The following RERE variants were observed in gnomAD, a reference collection of about 807,000 sequenced individuals.
RERE encodes arginine-glutamic acid dipeptide repeats protein.
Under a neutral mutation model 146.1 loss-of-function variants are expected in RERE, and 40 were observed. The observed-to-expected ratio is 0.27, with a 90% CI of 0.21 to 0.36. The LOEUF (loss-of-function observed/expected upper bound fraction) is 0.36. Ranked by LOEUF, RERE falls within the 10% of genes least tolerant of loss-of-function variation. RERE has a pLI of 1.00. For synonymous variants in RERE, 1,003 were observed against 866.0 expected, an observed-to-expected ratio of 1.16 and a Z score of -2.78; for missense variants, 1,933 against 2,138.7, an observed-to-expected ratio of 0.90 and a Z score of 1.90.
rs777961446 is a variant in RERE at position 8,661,044 on chromosome 1, T to A, written c.-144-4603A>T. Among the ~76,000 whole-genome samples the A allele has an allele frequency of 7.3e-5, 11 of 150,780 alleles. No individual in the cohort carries two copies. The Admixed American group carries it at 7.3e-4, about 10-fold the overall frequency. On this transcript the variant is annotated intron_variant, in intron 1 of 22. Coordinates refer to ENST00000400908, the MANE Select transcript of RERE (RefSeq NM_001042681.2). Reference sequence around the variant, plus strand: ...GAGAGACCACCAACAAAAGGCACCATACCTAATGAGAAGATCTTACATGGG... The same window carrying A: ...GAGAGACCACCAACAAAAGGCACCAAACCTAATGAGAAGATCTTACATGGG...
intron 8 of RERE, among the ~76,000 whole-genome samples, chr1:8,497,732 T>C (rs1333783845): frequency 6.6e-6 from 1 of 152,182 alleles, no homozygotes; most frequent in Non-Finnish European, 1.5e-5. Context: ...GATTTCACAA[T>C]AGACTGCTTA....
chr1:8,671,037 TG>T (rs1242166519), intron 1 of RERE, among the ~76,000 whole-genome samples: 2 of 152,218 alleles, frequency 1.3e-5, no homozygotes, highest in African/African-American at 2.4e-5. Context: ...AGTCATTTAC[TG>T]ACATGCAAAG....
At chr1:8,692,832 C>T (rs1449492964) in intron 1 of RERE, among the ~76,000 whole-genome samples, 2 of 152,134 alleles carry the variant, frequency 1.3e-5, no homozygotes, top group Admixed American at 6.5e-5. Context: ...TAACCTATCA[C>T]TCTACCAGAA....
At chr1:8,582,668 C>T (rs1444275814) in intron 4 of RERE, among the ~76,000 whole-genome samples, 2 of 152,152 alleles carry the variant, frequency 1.3e-5, no homozygotes, top group Admixed American at 1.3e-4. Flanking sequence ...TTGCAGTGAG[C>T]TGAGACTGTG....
intron 12 of RERE, among the ~76,000 whole-genome samples, chr1:8,404,310 G>C (rs749454121): frequency 1.3e-5 from 2 of 152,008 alleles, no homozygotes; most frequent in Non-Finnish European, 2.9e-5. Context: ...CCAGGTACTC[G>C]GAGAGGCTGA....
At chr1:8,359,706 C>T (rs11581418) in intron 19 of RERE, 58 bp downstream of exon 19, 233,511 of 1,564,550 alleles carry the variant, frequency 0.15, 19,832 homozygotes, top group Middle Eastern at 0.3. Context: ...CCCAGCGTGG[C>T]TCCCAGGCGC....
At position 8,510,011 on chromosome 1, in the gene RERE, G is replaced by A. The variant is rs1202117928; in HGVS notation, c.831-1336C>T. The stretch of plus-strand genomic sequence containing the variant: ...CATGAAGAATCTTGCTTGGGCAAAG[G>A]TGGTGGTAAATGTGACAAAGGAAGA... On this transcript the variant is annotated intron_variant, in intron 7 of 22. Transcript: ENST00000400908. Among the ~76,000 whole-genome samples, 5 of 152,144 alleles carry A rather than the reference G, an allele frequency of 3.3e-5. No individual in the cohort carries two copies. In the East Asian group the frequency reaches 9.6e-4, roughly 29 times the overall value.
intron 1 of RERE, among the ~76,000 whole-genome samples, chr1:8,699,025 T>C (rs1160600505): frequency 1.3e-5 from 2 of 152,238 alleles, no homozygotes; most frequent in Non-Finnish European, 2.9e-5. Context: ...TTTGTAAGTT[T>C]CACGAATCAT....
intron 11 of RERE, among the ~76,000 whole-genome samples, chr1:8,436,180 G>A (rs892007395): frequency 7.9e-5 from 12 of 152,156 alleles, no homozygotes; most frequent in Admixed American, 6.5e-5. Context: ...TTAGCCAGGC[G>A]TGGTGGCGTG....
At chr1:8,598,595 A>G (rs1646583663) in intron 4 of RERE, among the ~76,000 whole-genome samples, 1 of 152,188 alleles carries the variant, frequency 6.6e-6, no homozygotes, top group Non-Finnish European at 1.5e-5. Flanking sequence ...CACAGAAACC[A>G]CATCCAATGC....
chr1:8,391,866 A>G (rs1407791299), intron 12 of RERE, among the ~76,000 whole-genome samples: 1 of 152,064 alleles, frequency 6.6e-6, no homozygotes, highest in Non-Finnish European at 1.5e-5. Flanking sequence ...TCTCTACTAA[A>G]TAATATAAAA....
intron 12 of RERE, among the ~76,000 whole-genome samples, chr1:8,369,934 A>T (rs963945792): frequency 6.6e-6 from 1 of 151,626 alleles, no homozygotes; most frequent in Admixed American, 6.6e-5. Flanking sequence ...GGACTACAGG[A>T]GCCCGCCACC....
intron 11 of RERE, among the ~76,000 whole-genome samples, chr1:8,439,677 T>C (rs1270388212): frequency 6.6e-6 from 1 of 152,214 alleles, no homozygotes; most frequent in Non-Finnish European, 1.5e-5. Context: ...TCCAGGTGGA[T>C]TCCCTGATAC....
chr1:8,762,960 A>G (rs1160273419), intron 1 of RERE, among the ~76,000 whole-genome samples: 1 of 152,210 alleles, frequency 6.6e-6, no homozygotes, highest in Non-Finnish European at 1.5e-5. Context: ...AAAAAAAATT[A>G]TCACAGTCCC....
chr1:8,443,672 T>C (rs1259730529), intron 11 of RERE, among the ~76,000 whole-genome samples: 1 of 152,046 alleles, frequency 6.6e-6, no homozygotes, highest in Non-Finnish European at 1.5e-5. Context: ...GAAAGAATAG[T>C]TTTCAGGGCC....
chr1:8,496,148 C>CT (rs889069517), intron 9 of RERE, among the ~76,000 whole-genome samples: 2 of 123,442 alleles, frequency 1.6e-5, no homozygotes, highest in Non-Finnish European at 1.6e-5. Flanking sequence ...GAGACCCTGT[C>CT]TTAAAAAAAA....
chr1:8,653,778 C>A (rs540589412), intron 2 of RERE, among the ~76,000 whole-genome samples: 17 of 150,908 alleles, frequency 1.1e-4, no homozygotes, highest in South Asian at 2.1e-4. Context: ...AACAAGCAAT[C>A]TGTGGTAACT....
intron 1 of RERE, among the ~76,000 whole-genome samples, chr1:8,726,446 C>T (rs1438379343): frequency 1.3e-5 from 2 of 152,116 alleles, no homozygotes; most frequent in Non-Finnish European, 2.9e-5. Context: ...AGCCAACGCG[C>T]CCGGCCAGGC....
rs1438988727 is a variant in RERE, at chr1:8,497,388, G to T, written c.1004+17C>A. 6.2e-7 allele frequency: 1 copy of T among 1,613,930 alleles called. No homozygotes were observed. The highest frequency in any genetic ancestry group is 1.7e-5 in the Admixed American group (1 of 60,006). On this transcript the variant is annotated intron_variant, in intron 9 of 22. Coordinates refer to ENST00000400908, the MANE Select transcript of RERE (RefSeq NM_001042681.2). ...TGGTCTAATTCAGAAAGCAGGATGG[G>T]GGTAGATTCCTATTACCTTGCTGCC...
Sources: allele counts gnomAD v4.1 joint callset (sites outside exome capture counted in the v4.1 genomes callset), GRCh38; gene constraint gnomAD v4.1.1; transcripts MANE v1.5; gene names NCBI Gene and HGNC (gene_info 2026-07-23, HGNC 2026-07-21).